The following KIRREL3 variants were observed in gnomAD, a reference collection of about 807,000 sequenced individuals.
KIRREL3 encodes the protein kirre like nephrin family adhesion molecule 3, also known as kin of IRRE-like protein 3.
A neutral mutation model predicts 89.7 loss-of-function variants in KIRREL3; 36 were observed. The ratio of observed to expected loss-of-function variants is 0.40; its 90% confidence interval spans 0.31 to 0.53. The LOEUF (loss-of-function observed/expected upper bound fraction) is 0.53. Ranked by LOEUF, KIRREL3 falls within the 20% of genes least tolerant of loss-of-function variation. KIRREL3 has a pLI of 0.49. For synonymous variants in KIRREL3, 445 were observed against 441.4 expected, an observed-to-expected ratio of 1.01 and a Z score of -0.10; for missense variants, 864 against 1,056.6, an observed-to-expected ratio of 0.82 and a Z score of 2.53.
chr11:126,504,621 A>G (rs1285837042), intron 4 of KIRREL3, among the ~76,000 whole-genome samples: 1 of 152,210 alleles, frequency 6.6e-6, no homozygotes, highest in Non-Finnish European at 1.5e-5. Flanking sequence ...AATCTTCTAG[A>G]AAATAGAGGA....
At chr11:126,437,108 T>G (rs1028598535) in intron 11 of KIRREL3, 99 bp from the exon 12 acceptor site, 2 of 1,118,994 alleles carry the variant, frequency 1.8e-6, no homozygotes, top group African/African-American at 3.2e-5. Flanking sequence ...ATGTTCATGC[T>G]CACTGCCACA....
At chr11:126,902,047 G>A (rs1946391855) in intron 1 of KIRREL3, among the ~76,000 whole-genome samples, 1 of 152,194 alleles carries the variant, frequency 6.6e-6, no homozygotes, top group Non-Finnish European at 1.5e-5. Flanking sequence ...CCCCCTAGGT[G>A]TTAGTTGGAT....
intron 1 of KIRREL3, among the ~76,000 whole-genome samples, chr11:126,986,507 G>T (rs910754669): frequency 6.6e-6 from 1 of 152,136 alleles, no homozygotes. Context: ...TTTCTAAAGT[G>T]CAGGTAGAAG....
chr11:126,674,688 T>C (rs1027711217), intron 1 of KIRREL3, among the ~76,000 whole-genome samples: 1 of 152,206 alleles, frequency 6.6e-6, no homozygotes, highest in Non-Finnish European at 1.5e-5. Flanking sequence ...TTGGAGGAGT[T>C]AGTGGAGAAG....
rs573664615 is a variant in KIRREL3, at chr11:126,627,016, C to CA, written c.56-64105dup. On this transcript the variant is annotated intron_variant, in intron 1 of 16. Coordinates refer to ENST00000525144, the MANE Select transcript of KIRREL3 (RefSeq NM_032531.4). This position sits in a 1 kb window ranked among gnomAD's most constrained non-coding sequence, Gnocchi z 5.0. ...ACACTGTCTCAAGAAAAAAAAAAAA[C>CA]AAAAAAAAAAGAATAACCACAGTTT... Among the ~76,000 whole-genome samples, 17,725 of 58,888 alleles carry CA rather than the reference C, an allele frequency of 0.3. 1,217 individuals carry two copies. Among genetic ancestry groups the CA allele is most frequent in the East Asian group, 0.57 (1,561 of 2,740 alleles). The allele number at this position is 58,888 out of a possible 152,430, so 38.6% of individuals were successfully genotyped here.
intron 1 of KIRREL3, among the ~76,000 whole-genome samples, chr11:126,674,485 A>G (rs528448835): frequency 7.9e-5 from 12 of 152,354 alleles, no homozygotes; most frequent in Non-Finnish European, 1.6e-4. Context: ...CCCCAGTCAG[A>G]TAGAGCATCC....
chr11:126,966,052 G>C (rs969913480), intron 1 of KIRREL3, among the ~76,000 whole-genome samples: 2 of 152,142 alleles, frequency 1.3e-5, no homozygotes, highest in African/African-American at 4.8e-5. Flanking sequence ...AGATGTAAAT[G>C]GTTAGCTGAT....
At chr11:126,733,799 A>C (rs998565845) in intron 1 of KIRREL3, among the ~76,000 whole-genome samples, 1 of 152,110 alleles carries the variant, frequency 6.6e-6, no homozygotes, top group African/African-American at 2.4e-5. Flanking sequence ...TTTTAGAAAA[A>C]AATTTGTAGT....
intron 1 of KIRREL3, among the ~76,000 whole-genome samples, chr11:126,930,493 C>G (rs1374257407): frequency 6.6e-6 from 1 of 152,208 alleles, no homozygotes; most frequent in Non-Finnish European, 1.5e-5. Context: ...CTGCCCTTAA[C>G]TTTCCTAAAT....
chr11:126,947,781 C>G (rs1286941197), intron 1 of KIRREL3, among the ~76,000 whole-genome samples: 10 of 152,240 alleles, frequency 6.6e-5, no homozygotes, highest in Non-Finnish European at 8.8e-5. Flanking sequence ...TCATAATGCA[C>G]AGCATCACCT....
chr11:126,500,675 G>A (rs1174734279), intron 4 of KIRREL3, among the ~76,000 whole-genome samples: 2 of 151,392 alleles, frequency 1.3e-5, no homozygotes, highest in East Asian at 1.9e-4. Flanking sequence ...AGGAGGCAGA[G>A]GTTGCAGTGA....
chr11:126,440,366 G>A (rs1413484866), intron 11 of KIRREL3, 83 bp downstream of exon 11: 1 of 1,210,068 alleles, frequency 8.3e-7, no homozygotes, highest in Non-Finnish European at 1.2e-6. Context: ...GGTGTGCACC[G>A]CCTGGCTGGC....
intron 1 of KIRREL3, among the ~76,000 whole-genome samples, chr11:126,730,390 T>C (rs1948567983): frequency 6.6e-6 from 1 of 152,250 alleles, no homozygotes; most frequent in Admixed American, 6.5e-5. Flanking sequence ...CCTCACCCTA[T>C]ACGTCTGGTC....
At position 126,987,305 on chromosome 11, in the gene KIRREL3, C is replaced by T. The variant is rs139964503; in HGVS notation, c.55+13150G>A. ...TAGTACGCATAAAGTCAACAATGAA[C>T]AAGACTAAGACAATTTAACTAAAAA... On this transcript the variant is annotated intron_variant, in intron 1 of 16. Coordinates refer to ENST00000525144, the MANE Select transcript of KIRREL3 (RefSeq NM_032531.4). The surrounding 1 kb of genome is among the most constrained non-coding windows in gnomAD (Gnocchi z 4.6). Among the ~76,000 whole-genome samples the T allele has an allele frequency of 2.6e-5, 4 of 152,232 alleles. No individual in the cohort carries two copies. The highest frequency in any genetic ancestry group is 9.6e-5 in the African/African-American group (4 of 41,542).
chr11:126,776,740 ACTT>A lies in KIRREL3; in HGVS notation c.56-213831_56-213829del, dbSNP rs1950179858. 6.6e-6 allele frequency among the ~76,000 whole-genome samples: 1 copy of A among 152,094 alleles called. No homozygotes were observed. The highest frequency in any genetic ancestry group is 6.5e-5 in the Admixed American group (1 of 15,286). ...GGAATGCTTATGGAACACCAACACC[ACTT>A]CTTCTTTCACCAAGTCCTCTCCCTG... On this transcript the variant is annotated intron_variant, in intron 1 of 16. Transcript: ENST00000525144. The surrounding 1 kb of genome is among the most constrained non-coding windows in gnomAD (Gnocchi z 4.7).
At chr11:126,741,292 T>A (rs1948974701) in intron 1 of KIRREL3, among the ~76,000 whole-genome samples, 1 of 152,208 alleles carries the variant, frequency 6.6e-6, no homozygotes, top group Non-Finnish European at 1.5e-5. Flanking sequence ...TGGATATTAA[T>A]ATGCATATAA....
chr11:126,518,748 G>A (rs987427319), intron 4 of KIRREL3, among the ~76,000 whole-genome samples: 3 of 152,202 alleles, frequency 2.0e-5, no homozygotes, highest in Admixed American at 1.3e-4. Context: ...CCAGACCAGG[G>A]GTCCCCTTCC....
rs1334977619 is a variant in KIRREL3, at chr11:126,867,181, C to T, written c.55+133274G>A. ...CCACAATCTGCCTGTCTGCCTGCTC[C>T]CCCCAGGGGTTTGAGCAGCGGGGCA... On this transcript the variant is annotated intron_variant, in intron 1 of 16. Transcript: ENST00000525144. This position sits in a 1 kb window ranked among gnomAD's most constrained non-coding sequence, Gnocchi z 4.7. 2.6e-5 allele frequency among the ~76,000 whole-genome samples: 4 copies of T among 152,214 alleles called. No individual in the cohort carries two copies. Among genetic ancestry groups the T allele is most frequent in the South Asian group, 2.1e-4 (1 of 4,834 alleles).
Position 126,541,920 on chromosome 11 carries a change from G to A in KIRREL3, c.134-15233C>T, listed in dbSNP as rs1456341009. On this transcript the variant is annotated intron_variant, in intron 2 of 16. Coordinates refer to ENST00000525144, the MANE Select transcript of KIRREL3 (RefSeq NM_032531.4). The surrounding 1 kb of genome is among the most constrained non-coding windows in gnomAD (Gnocchi z 4.8). ...AAAGTTCATGCAACCCTTTTTGTCA[G>A]TGAAGTCTCACAGGGAATCCCAGTG... 6.6e-6 allele frequency among the ~76,000 whole-genome samples: 1 copy of A among 152,226 alleles called. No homozygotes were observed. Among genetic ancestry groups the A allele is most frequent in the African/African-American group, 2.4e-5 (1 of 41,448 alleles).
Sources: allele counts gnomAD v4.1 joint callset (sites outside exome capture counted in the v4.1 genomes callset), GRCh38; gene constraint gnomAD v4.1.1; non-coding constraint Gnocchi (gnomAD v3.1); transcripts MANE v1.5; gene names NCBI Gene and HGNC (gene_info 2026-07-23, HGNC 2026-07-21).